The following CEBPZ variants were observed in gnomAD, a reference collection of about 807,000 sequenced individuals.
CEBPZ encodes the protein CCAAT enhancer binding protein zeta.
CEBPZ carries 78 observed loss-of-function variants against 104.5 expected under a neutral mutation model. That is an observed-to-expected ratio of 0.75 (90% CI 0.62 to 0.90). The LOEUF (loss-of-function observed/expected upper bound fraction) is 0.90, where lower values mean the gene tolerates loss of function less well. CEBPZ is among the 40% of genes least tolerant of loss of function. The pLI, the probability that CEBPZ is intolerant of heterozygous loss-of-function variation, is 0.00. For missense variants in CEBPZ, 1,439 were observed against 1,233.5 expected, an observed-to-expected ratio of 1.17 and a Z score of -2.50; for synonymous variants, 470 against 427.0, an observed-to-expected ratio of 1.10 and a Z score of -1.24.
chr2:37,227,727 C>G lies in CEBPZ; in HGVS notation c.1466G>C (p.Gly489Ala). 1.2e-6 allele frequency: 2 copies of G among 1,614,100 alleles called. No individual in the cohort carries two copies. Among genetic ancestry groups the G allele is most frequent in the South Asian group, 1.1e-5 (1 of 91,056 alleles). Reference protein sequence around the residue: ...ESKMLSALLTGVNRAYPYSQT... With the variant: ...ESKMLSALLTAVNRAYPYSQT... ...GGAATAAGGGTATGCCCTATTCACA[C>G]CTGTTAAAAGGGCGCTAAGCATTTT... Residue 489 changes from glycine (G) to alanine (A), a missense_variant, in exon 2 of 16, where the codon GGT becomes GCT. Coordinates refer to ENST00000234170, the MANE Select transcript of CEBPZ (RefSeq NM_005760.3).
intron 4 of CEBPZ, among the ~76,000 whole-genome samples, chr2:37,221,231 G>T (rs1388355319): frequency 1.3e-5 from 2 of 152,010 alleles, no homozygotes; most frequent in Admixed American, 1.3e-4. Flanking sequence ...TGGGAGGATC[G>T]CTTGAGTTCA....
chr2:37,216,116 C>A (rs1378976271), intron 8 of CEBPZ, 24 bp downstream of exon 8: 11 of 1,546,182 alleles, frequency 7.1e-6, no homozygotes, highest in Non-Finnish European at 9.7e-6. Context: ...TTTTCAGTTT[C>A]AACTGTCTAA....
At chr2:37,204,068 G>T (rs1324829341) in intron 13 of CEBPZ, 1 of 151,970 alleles carries the variant, frequency 6.6e-6, no homozygotes, top group East Asian at 1.9e-4. Flanking sequence ...TTTTATTAAG[G>T]TGATATGTAT....
intron 8 of CEBPZ, 39 bp downstream of exon 8, chr2:37,216,101 T>A (rs1158669453): frequency 7.0e-7 from 1 of 1,426,354 alleles, no homozygotes. Context: ...TTGTCTTATA[T>A]TGTCTTTTCA....
intron 4 of CEBPZ, 39 bp downstream of exon 4, chr2:37,222,341 A>T: frequency 2.1e-6 from 3 of 1,454,462 alleles, no homozygotes; most frequent in Non-Finnish European, 2.8e-6. Context: ...AATCAAAGAG[A>T]AACAAACTCC....
rs1305541290 is a variant in CEBPZ, at chr2:37,217,265, TGC to T, written c.2155-230_2155-229del. ...TACAAAAATAGTCAGGGTGTGATGG[TGC>T]GCGCGTGCCTGTACTCCCAGCTACT... is the stretch of plus-strand genomic sequence containing the variant. On this transcript the variant is annotated intron_variant, in intron 5 of 15. Coordinates refer to ENST00000234170, the MANE Select transcript of CEBPZ (RefSeq NM_005760.3). Among the ~76,000 whole-genome samples the T allele has an allele frequency of 8.0e-4, 121 of 151,928 alleles. 2 individuals carry two copies. Among genetic ancestry groups the T allele is most frequent in the Middle Eastern group, 6.8e-3 (2 of 294 alleles).
At chr2:37,212,548 A>G (rs116538368) in intron 10 of CEBPZ, 156 bp from the exon 11 acceptor site, 1 of 645,686 alleles carries the variant, frequency 1.5e-6, no homozygotes, top group African/African-American at 1.8e-5. Flanking sequence ...GTGCCTTAAT[A>G]ATGTATACAA....
chr2:37,222,990 G>A (rs932139414), intron 3 of CEBPZ, among the ~76,000 whole-genome samples, 180 bp downstream of exon 3: 1 of 152,162 alleles, frequency 6.6e-6, no homozygotes, highest in Admixed American at 6.6e-5. Flanking sequence ...GAAGAGTTGA[G>A]CAACATGCCC....
At chr2:37,224,740 T>C (rs1356987989) in intron 2 of CEBPZ, among the ~76,000 whole-genome samples, 1 of 152,234 alleles carries the variant, frequency 6.6e-6, no homozygotes, top group East Asian at 1.9e-4. Context: ...AACCAAATCA[T>C]GTCATTTCTT....
At chr2:37,206,483 C>G (rs1237836411) in intron 13 of CEBPZ, among the ~76,000 whole-genome samples, 5 of 152,196 alleles carry the variant, frequency 3.3e-5, no homozygotes, top group Admixed American at 1.3e-4. Context: ...TCAGCCTCCT[C>G]AGTAGCTGGG....
In CEBPZ at chr2:37,222,507, T is replaced by G; in HGVS notation, c.1938A>C (p.Lys646Asn). ...CTGTTTCTTTGTCTGCATCAGTGAA[T>G]TTTTCCATGTCTTCATCATCATTTG... ...IDANDDEDME[K>N]FTDADKETEI... The change falls in exon 4 of 16, where the codon AAA becomes AAC. Residue 646 changes from lysine (K) to asparagine (N), a missense_variant. Coordinates refer to ENST00000234170, the MANE Select transcript of CEBPZ (RefSeq NM_005760.3). The G allele has an allele frequency of 6.2e-7, 1 of 1,608,070 alleles. No homozygotes were observed. Among genetic ancestry groups the G allele is most frequent in the South Asian group, 1.1e-5 (1 of 89,024 alleles).
At chr2:37,225,923 C>T (rs1292904367) in intron 2 of CEBPZ, among the ~76,000 whole-genome samples, 1 of 124,686 alleles carries the variant, frequency 8.0e-6, no homozygotes. Flanking sequence ...GACCTGTGGG[C>T]AGCAATACTG....
intron 5 of CEBPZ, among the ~76,000 whole-genome samples, chr2:37,218,417 G>A (rs551039038): frequency 2.0e-5 from 3 of 152,228 alleles, no homozygotes; most frequent in East Asian, 3.9e-4. Context: ...TGTATTCCAC[G>A]TTGAAACATA....
intron 5 of CEBPZ, among the ~76,000 whole-genome samples, chr2:37,219,853 C>T (rs1352315965): frequency 6.8e-6 from 1 of 148,126 alleles, no homozygotes; most frequent in East Asian, 1.9e-4. Context: ...CAAAAAGCAA[C>T]AGTCATAACC....
At chr2:37,216,047 T>A in intron 8 of CEBPZ, 93 bp downstream of exon 8, 2 of 977,950 alleles carry the variant, frequency 2.0e-6, no homozygotes, top group South Asian at 3.4e-5. Context: ...GCTCAGGTTT[T>A]ATTCTGATAA....
chr2:37,231,151 G>A (rs1431798855), intron 1 of CEBPZ: 4 of 644,026 alleles, frequency 6.2e-6, no homozygotes, highest in Non-Finnish European at 1.2e-5. Flanking sequence ...ATGGTGTGAT[G>A]GTTATACCAC....
intron 1 of CEBPZ, among the ~76,000 whole-genome samples, chr2:37,229,805 C>A (rs1254066160): frequency 6.6e-6 from 1 of 152,192 alleles, no homozygotes; most frequent in Non-Finnish European, 1.5e-5. Flanking sequence ...ACCTCCCAGG[C>A]TGAAGTGATC....
chr2:37,205,274 C>T (rs760756170), intron 13 of CEBPZ, among the ~76,000 whole-genome samples: 5 of 151,360 alleles, frequency 3.3e-5, no homozygotes, highest in East Asian at 1.9e-4. Context: ...GTGACCTGCA[C>T]GCACACATCC....
Position 37,228,002 on chromosome 2 carries a change from T to A in CEBPZ, c.1191A>T (p.Arg397Ser). The A allele has an allele frequency of 6.2e-7, 1 of 1,614,222 alleles. No homozygotes were observed. The highest frequency in any genetic ancestry group is 8.5e-7 in the Non-Finnish European group (1 of 1,180,034). Residue 397 changes from arginine (R) to serine (S), a missense_variant, in exon 2 of 16, where the codon AGA becomes AGT. Transcript: ENST00000234170. ...ACAGATGGGATGCTTTTGTGGCAAT[T>A]CTGTTCTGAGGATCTCCCAGTTTAT... Reference protein sequence around the residue: ...VVNKLGDPQNRIATKASHLLE... With the variant: ...VVNKLGDPQNSIATKASHLLE...
Sources: allele counts gnomAD v4.1 joint callset (sites outside exome capture counted in the v4.1 genomes callset), GRCh38; gene constraint gnomAD v4.1.1; transcripts MANE v1.5; gene names NCBI Gene and HGNC (gene_info 2026-07-23, HGNC 2026-07-21).